GALNTL6: variants seen among roughly 807,000 people sequenced by gnomAD.
The protein encoded by GALNTL6 is polypeptide N-acetylgalactosaminyltransferase like 6.
Under a neutral mutation model 73.7 loss-of-function variants are expected in GALNTL6, and 46 were observed. The ratio of observed to expected loss-of-function variants is 0.62; its 90% CI spans 0.49 to 0.80. GALNTL6 has a LOEUF of 0.80. GALNTL6 is among the 30% of genes least tolerant of loss of function. The probability of loss-of-function intolerance (pLI) is 0.00; values close to 1 mark genes in which losing one functional copy is unlikely to be tolerated. For synonymous variants in GALNTL6, 259 were observed against 263.7 expected (o/e 0.98, Z 0.17); for missense variants, 604 against 755.0 (o/e 0.80, Z 2.34).
chr4:172,886,305 A>G (rs921944857), intron 8 of GALNTL6, among the ~76,000 whole-genome samples: 1 of 152,142 alleles, frequency 6.6e-6, no homozygotes, highest in Non-Finnish European at 1.5e-5. Context: ...TACTTCTTCT[A>G]GGTTTCCAAT....
At chr4:172,734,980 G>A (rs1424412427) in intron 5 of GALNTL6, among the ~76,000 whole-genome samples, 1 of 152,198 alleles carries the variant, frequency 6.6e-6, no homozygotes, top group Non-Finnish European at 1.5e-5. Context: ...CAAAGGCAGG[G>A]GTGTGCTGCA....
chr4:172,091,203 T>A (rs1441451084), intron 2 of GALNTL6, among the ~76,000 whole-genome samples: 2 of 152,210 alleles, frequency 1.3e-5, no homozygotes, highest in African/African-American at 4.8e-5. Flanking sequence ...AAATGTTTCA[T>A]CCTTGGCCTA....
At chr4:172,591,474 A>G (rs964005908) in intron 5 of GALNTL6, among the ~76,000 whole-genome samples, 10 of 152,236 alleles carry the variant, frequency 6.6e-5, no homozygotes, top group Admixed American at 5.9e-4. Context: ...ATAGAGCAAG[A>G]CCATAAAAAC....
intron 5 of GALNTL6, among the ~76,000 whole-genome samples, chr4:172,399,265 T>C (rs1743956036): frequency 6.6e-6 from 1 of 152,104 alleles, no homozygotes; most frequent in African/African-American, 2.4e-5. Context: ...ATACGTATTA[T>C]AAAAAGTTAA....
At chr4:172,132,040 G>T (rs547704462) in intron 2 of GALNTL6, among the ~76,000 whole-genome samples, 1 of 151,894 alleles carries the variant, frequency 6.6e-6, no homozygotes, top group Non-Finnish European at 1.5e-5. Context: ...ATAGAAAAAA[G>T]AAAACAAAAG....
intron 5 of GALNTL6, among the ~76,000 whole-genome samples, chr4:172,451,245 C>G (rs1732196615): frequency 6.6e-6 from 1 of 152,186 alleles, no homozygotes; most frequent in Admixed American, 6.5e-5. Flanking sequence ...AGAGCACATG[C>G]TTCACATATA....
intron 3 of GALNTL6, among the ~76,000 whole-genome samples, chr4:172,292,963 G>A (rs949524803): frequency 5.3e-5 from 8 of 152,068 alleles, no homozygotes; most frequent in Non-Finnish European, 1.2e-4. Context: ...CATTTCTATC[G>A]AAATGAGGGA....
At chr4:172,021,659 C>T (rs1378684406) in intron 2 of GALNTL6, among the ~76,000 whole-genome samples, 1 of 151,866 alleles carries the variant, frequency 6.6e-6, no homozygotes, top group Non-Finnish European at 1.5e-5. Flanking sequence ...AATGTACAAA[C>T]CTGGAGGAAT....
chr4:172,204,438 C>T (rs1736047323), intron 2 of GALNTL6, among the ~76,000 whole-genome samples: 1 of 152,094 alleles, frequency 6.6e-6, no homozygotes. Context: ...CAGTGGTCTC[C>T]TTCAATCCTC....
chr4:172,744,761 C>T (rs975760721), intron 5 of GALNTL6, among the ~76,000 whole-genome samples: 2 of 151,974 alleles, frequency 1.3e-5, no homozygotes, highest in African/African-American at 2.4e-5. Context: ...ATCCCATCAT[C>T]ACTGTTGATA....
chr4:172,996,853 T>TA (rs1185060246), intron 10 of GALNTL6, among the ~76,000 whole-genome samples: 1 of 151,634 alleles, frequency 6.6e-6, no homozygotes, highest in African/African-American at 2.4e-5. Flanking sequence ...GAAATGGATT[T>TA]TTTTAAGTCC....
intron 2 of GALNTL6, among the ~76,000 whole-genome samples, chr4:172,087,697 T>G (rs1579125789): frequency 6.6e-6 from 1 of 151,902 alleles, no homozygotes. Context: ...TACTTGATTT[T>G]TTTTACAAGG....
At chr4:171,960,079 C>G (rs1385990531) in intron 2 of GALNTL6, among the ~76,000 whole-genome samples, 1 of 152,130 alleles carries the variant, frequency 6.6e-6, no homozygotes, top group Non-Finnish European at 1.5e-5. Flanking sequence ...ACTGTGTATG[C>G]AAAGGGAAAC....
intron 7 of GALNTL6, among the ~76,000 whole-genome samples, chr4:172,859,894 T>TCACCCCCAGATGGGACCGTC (rs1467355423): frequency 1.3e-5 from 2 of 152,094 alleles, no homozygotes; most frequent in Non-Finnish European, 2.9e-5. Flanking sequence ...TTATCTCCCA[T>TCACCCCCAGATGGGACCGTC]CACCCCCAGA....
At chr4:171,822,289 A>G (rs1367349148) in intron 2 of GALNTL6, among the ~76,000 whole-genome samples, 2 of 152,184 alleles carry the variant, frequency 1.3e-5, no homozygotes. Flanking sequence ...AACATATTGC[A>G]TTGTGCCTGT....
At chr4:172,472,077 T>G (rs1328906315) in intron 5 of GALNTL6, among the ~76,000 whole-genome samples, 3 of 152,230 alleles carry the variant, frequency 2.0e-5, no homozygotes, top group Admixed American at 1.3e-4. Context: ...ATGCTATATA[T>G]GCTATTGCAA....
chr4:172,522,665 TC>T (rs70944411), intron 5 of GALNTL6, among the ~76,000 whole-genome samples: 1,815 of 59,382 alleles, frequency 0.031, 30 homozygotes, highest in South Asian at 0.081. Flanking sequence ...TGAAACTCAG[TC>T]CCCCCCCCCC....
intron 2 of GALNTL6, among the ~76,000 whole-genome samples, chr4:172,178,524 G>C (rs1436758108): frequency 6.6e-6 from 1 of 151,934 alleles, no homozygotes; most frequent in African/African-American, 2.4e-5. Flanking sequence ...GTAGTGTTTG[G>C]TTTTCTGTTC....
chr4:172,737,920 A>T (rs538430215), intron 5 of GALNTL6, among the ~76,000 whole-genome samples: 1 of 152,296 alleles, frequency 6.6e-6, no homozygotes, highest in South Asian at 2.1e-4. Flanking sequence ...GCATCATGGG[A>T]AGCTTGGCTA....
Sources: gnomAD v4.1 joint callset for allele counts (sites outside exome capture counted in the v4.1 genomes callset) on GRCh38, gnomAD v4.1.1 for gene constraint, MANE v1.5 for transcripts, NCBI Gene and HGNC (gene_info 2026-07-23, HGNC 2026-07-21) for gene names.